Variants in STYK1 observed in about 807,000 individuals in gnomAD.
STYK1 encodes the protein tyrosine-protein kinase STYK1.
In STYK1, 46 loss-of-function variants were observed where a neutral mutation model predicts 48.1. The ratio of observed to expected loss-of-function variants is 0.96; its 90% CI spans 0.75 to 1.22. The LOEUF is 1.22. Among genes scored for constraint, STYK1 ranks in the 50% most tolerant of loss-of-function variants. STYK1 has a pLI of 0.00. For synonymous variants in STYK1, 188 were observed against 189.0 expected (o/e 0.99, Z 0.04); for missense variants, 527 against 521.1 (o/e 1.01, Z -0.11).
At chr12:10,659,894 C>A (rs1947757526) in intron 1 of STYK1, among the ~76,000 whole-genome samples, 1 of 152,090 alleles carries the variant, frequency 6.6e-6, no homozygotes, top group Non-Finnish European at 1.5e-5. Flanking sequence ...CTATGGTACA[C>A]CTGTTGTTAG....
At chr12:10,643,908 T>C (rs1389961620) in intron 1 of STYK1, among the ~76,000 whole-genome samples, 3 of 152,178 alleles carry the variant, frequency 2.0e-5, no homozygotes, top group African/African-American at 7.2e-5. Context: ...AAACATTGCT[T>C]GTTTTATTCT....
At chr12:10,653,440 T>C (rs961397739) in intron 1 of STYK1, among the ~76,000 whole-genome samples, 4 of 152,174 alleles carry the variant, frequency 2.6e-5, no homozygotes, top group African/African-American at 4.8e-5. Context: ...TGATTATTTA[T>C]TGATACCTCA....
intron 1 of STYK1, among the ~76,000 whole-genome samples, chr12:10,669,262 A>G (rs1378188017): frequency 1.3e-5 from 2 of 152,184 alleles, no homozygotes; most frequent in African/African-American, 4.8e-5. Context: ...TACAAGGGGG[A>G]ATGGGGAGTA....
chr12:10,626,961 C>T (rs1403880314), intron 7 of STYK1, among the ~76,000 whole-genome samples: 9 of 152,088 alleles, frequency 5.9e-5, no homozygotes, highest in African/African-American at 9.7e-5. Context: ...GAGCCGAGAT[C>T]GTGCCACTGC....
At chr12:10,626,092 A>C (rs1947355605) in intron 7 of STYK1, among the ~76,000 whole-genome samples, 2 of 152,224 alleles carry the variant, frequency 1.3e-5, no homozygotes, top group African/African-American at 4.8e-5. Context: ...ATTTCCAATC[A>C]CTGATGACAA....
At chr12:10,643,394 G>C (rs972251473) in intron 1 of STYK1, among the ~76,000 whole-genome samples, 4 of 152,012 alleles carry the variant, frequency 2.6e-5, no homozygotes, top group Non-Finnish European at 4.4e-5. Flanking sequence ...TTTATGTTCT[G>C]CTGGCCACAC....
chr12:10,668,707 T>A (rs902020320), intron 1 of STYK1, among the ~76,000 whole-genome samples: 13 of 152,056 alleles, frequency 8.5e-5, no homozygotes, highest in Admixed American at 4.6e-4. Context: ...AATTAGCTTC[T>A]TTACCTTTGT....
chr12:10,630,206 T>G (rs1947409676), intron 5 of STYK1, among the ~76,000 whole-genome samples: 2 of 144,324 alleles, frequency 1.4e-5, no homozygotes, highest in East Asian at 2.0e-4. Context: ...GCCAATATGG[T>G]GAAACCCCAT....
At chr12:10,647,126 C>T (rs749156327) in intron 1 of STYK1, among the ~76,000 whole-genome samples, 10 of 152,314 alleles carry the variant, frequency 6.6e-5, no homozygotes, top group East Asian at 3.9e-4. Context: ...AGTGGAGCTA[C>T]GAGAAGAGGG....
intron 1 of STYK1, among the ~76,000 whole-genome samples, chr12:10,671,091 A>G (rs1163769615): frequency 1.4e-5 from 2 of 141,750 alleles, no homozygotes; most frequent in African/African-American, 5.3e-5. Flanking sequence ...CGCCTCCTGG[A>G]TTCACGCCAT....
chr12:10,662,147 A>G (rs1947784037), intron 1 of STYK1, among the ~76,000 whole-genome samples: 2 of 152,192 alleles, frequency 1.3e-5, no homozygotes, highest in Admixed American at 1.3e-4. Context: ...GGCTTCTTTT[A>G]CTTGCAAATG....
intron 1 of STYK1, among the ~76,000 whole-genome samples, chr12:10,641,708 T>A (rs1947546884): frequency 6.6e-6 from 1 of 152,210 alleles, no homozygotes; most frequent in East Asian, 1.9e-4. Flanking sequence ...AATTTCTATA[T>A]GTAGAATGTA....
chr12:10,621,994 G>T (rs1352362152), intron 9 of STYK1, 22 bp from the exon 10 acceptor site: 1 of 1,594,640 alleles, frequency 6.3e-7, no homozygotes, highest in African/African-American at 1.3e-5. Context: ...AAAATAATGA[G>T]AACTTTAAGG....
chr12:10,659,548 T>C (rs745348208), intron 1 of STYK1, among the ~76,000 whole-genome samples: 11 of 146,816 alleles, frequency 7.5e-5, no homozygotes, highest in Admixed American at 1.4e-4. Flanking sequence ...AGGGTTCCTG[T>C]AAGTGAAGAA....
chr12:10,645,701 G>A (rs1052530762), intron 1 of STYK1, among the ~76,000 whole-genome samples: 4 of 152,164 alleles, frequency 2.6e-5, no homozygotes, highest in Non-Finnish European at 4.4e-5. Context: ...TCTCCTAGGA[G>A]GCATTTTTAA....
At chr12:10,666,765 C>T (rs113787214) in intron 1 of STYK1, among the ~76,000 whole-genome samples, 6,397 of 152,278 alleles carry the variant, frequency 0.042, 387 homozygotes, top group African/African-American at 0.14. Flanking sequence ...CACATGCTTT[C>T]TCTCACCTCC....
chr12:10,627,091 T>G (rs1341516527), intron 7 of STYK1, among the ~76,000 whole-genome samples: 1 of 152,198 alleles, frequency 6.6e-6, no homozygotes, highest in Non-Finnish European at 1.5e-5. Flanking sequence ...ATTCATCCTT[T>G]TCCACTTGTT....
intron 1 of STYK1, among the ~76,000 whole-genome samples, chr12:10,651,668 G>A (rs545190923): frequency 1.3e-5 from 2 of 152,190 alleles, no homozygotes; most frequent in East Asian, 3.9e-4. Flanking sequence ...ACCTCACCTT[G>A]TGGGTAAGAA....
intron 8 of STYK1, among the ~76,000 whole-genome samples, 192 bp from the exon 9 acceptor site, chr12:10,622,870 C>CT (rs1169359221): frequency 6.6e-6 from 1 of 152,170 alleles, no homozygotes; most frequent in Non-Finnish European, 1.5e-5. Context: ...GTTCGAATCT[C>CT]TTTTAAGATT....
Sources: allele counts gnomAD v4.1 joint callset (sites outside exome capture counted in the v4.1 genomes callset), GRCh38; gene constraint gnomAD v4.1.1; transcripts MANE v1.5; gene names NCBI Gene and HGNC (gene_info 2026-07-23, HGNC 2026-07-21).